The following LIN28B variants were observed in gnomAD, a reference collection of about 807,000 sequenced individuals.
The protein encoded by LIN28B is lin-28 RNA binding posttranscriptional regulator B.
LIN28B carries 5 observed loss-of-function variants against 21.9 expected under a neutral mutation model. The observed-to-expected ratio is 0.23, with a 90% CI of 0.12 to 0.48. LIN28B has a LOEUF of 0.48. LIN28B is among the 20% of genes least tolerant of loss of function. The pLI is 0.98. For missense variants in LIN28B, 245 were observed against 310.5 expected, an observed-to-expected ratio of 0.79 and a Z score of 1.58; for synonymous variants, 109 against 111.3, an observed-to-expected ratio of 0.98 and a Z score of 0.13.
At chr6:104,969,457 C>CA (rs149662994) in intron 2 of LIN28B, among the ~76,000 whole-genome samples, 2 of 151,624 alleles carry the variant, frequency 1.3e-5, no homozygotes, top group East Asian at 1.9e-4. Context: ...ACAACAACAA[C>CA]AAAAAAAAGC....
At chr6:104,966,545 C>T (rs1443095098) in intron 2 of LIN28B, among the ~76,000 whole-genome samples, 11 of 151,518 alleles carry the variant, frequency 7.3e-5, no homozygotes, top group Admixed American at 7.2e-4. Flanking sequence ...CCTCAAACTC[C>T]TGACTCAAGC....
At chr6:105,050,544 G>C (rs1433051264) in intron 3 of LIN28B, among the ~76,000 whole-genome samples, 1 of 140,326 alleles carries the variant, frequency 7.1e-6, no homozygotes, top group Non-Finnish European at 1.5e-5. Context: ...GGAGCTTGCA[G>C]TGAGCTGAGA....
At chr6:105,025,556 G>A (rs1055541337) in intron 2 of LIN28B, among the ~76,000 whole-genome samples, 3 of 152,058 alleles carry the variant, frequency 2.0e-5, no homozygotes, top group Non-Finnish European at 4.4e-5. Context: ...TTTCTAGAAC[G>A]GGACTGGAGA....
At chr6:105,057,205 C>A (rs1255713568) in intron 3 of LIN28B, among the ~76,000 whole-genome samples, 2 of 152,092 alleles carry the variant, frequency 1.3e-5, no homozygotes, top group African/African-American at 2.4e-5. Flanking sequence ...TTCTTTATAA[C>A]CTCTTGTATT....
intron 3 of LIN28B, among the ~76,000 whole-genome samples, chr6:105,063,877 G>A (rs957622936): frequency 1.3e-5 from 2 of 148,442 alleles, no homozygotes; most frequent in Admixed American, 6.7e-5. Context: ...TTTTCAATAC[G>A]TCTTATTAAA....
intron 2 of LIN28B, among the ~76,000 whole-genome samples, chr6:104,995,864 A>G (rs1424736468): frequency 6.6e-6 from 1 of 151,850 alleles, no homozygotes; most frequent in Non-Finnish European, 1.5e-5. Flanking sequence ...GCCAAACTAA[A>G]AGTAGCTTGG....
In LIN28B at chr6:105,026,314, A is replaced by T; in HGVS notation, c.215A>T (p.Glu72Val). 6.2e-7 allele frequency: 1 copy of T among 1,602,118 alleles called. No homozygotes were observed. The highest frequency in any genetic ancestry group is 8.5e-7 in the Non-Finnish European group (1 of 1,175,608). Residue 72 changes from glutamate (E) to valine (V), a missense_variant, in exon 3 of 4, where the codon GAA becomes GTA. Coordinates refer to ENST00000345080, the MANE Select transcript of LIN28B (RefSeq NM_001004317.4). ...TCTTTACAGAGCAAACTATTCATGGAAGGATTTAGAAGCCTAAAAGAAGGA... is the reference window on the plus strand; with the variant it reads ...TCTTTACAGAGCAAACTATTCATGGTAGGATTTAGAAGCCTAAAAGAAGGA... The part of the protein sequence containing the change: ...VFVHQSKLFM[E>V]GFRSLKEGEP...
chr6:104,963,111 G>A (rs530142586), intron 2 of LIN28B, among the ~76,000 whole-genome samples: 4 of 152,038 alleles, frequency 2.6e-5, no homozygotes, highest in Admixed American at 6.6e-5. Flanking sequence ...GCAGTGGCGC[G>A]ATCTCTGCTC....
chr6:105,063,844 A>T (rs9386437), intron 3 of LIN28B, among the ~76,000 whole-genome samples: 55 of 147,602 alleles, frequency 3.7e-4, no homozygotes, highest in Admixed American at 1.3e-3. Flanking sequence ...CAGTCTTAAA[A>T]TTTTTTTTTT....
chr6:104,978,734 G>T (rs542068158), intron 2 of LIN28B, among the ~76,000 whole-genome samples: 1 of 152,204 alleles, frequency 6.6e-6, no homozygotes, highest in African/African-American at 2.4e-5. Context: ...TGGCACCAAA[G>T]ATTTTTGTAG....
intron 2 of LIN28B, among the ~76,000 whole-genome samples, chr6:104,970,047 G>A (rs1262147370): frequency 6.6e-6 from 1 of 152,202 alleles, no homozygotes; most frequent in African/African-American, 2.4e-5. Flanking sequence ...CTGTGTGCCA[G>A]TGGGGGATGG....
intron 3 of LIN28B, among the ~76,000 whole-genome samples, chr6:105,041,511 G>A (rs1771636220): frequency 6.6e-6 from 1 of 152,092 alleles, no homozygotes; most frequent in African/African-American, 2.4e-5. Flanking sequence ...ACAGGTTTCA[G>A]TATGAAGTTC....
chr6:105,056,454 G>T (rs530807252), intron 3 of LIN28B, among the ~76,000 whole-genome samples: 1 of 152,220 alleles, frequency 6.6e-6, no homozygotes, highest in South Asian at 2.1e-4. Context: ...GGTACATAGA[G>T]TATGATCCTT....
intron 2 of LIN28B, among the ~76,000 whole-genome samples, chr6:105,025,568 A>G (rs1280188594): frequency 6.6e-6 from 1 of 152,054 alleles, no homozygotes; most frequent in Non-Finnish European, 1.5e-5. Context: ...GACTGGAGAA[A>G]ACGACTCTTT....
At chr6:105,049,609 G>A (rs1771849589) in intron 3 of LIN28B, among the ~76,000 whole-genome samples, 1 of 152,090 alleles carries the variant, frequency 6.6e-6, no homozygotes, top group African/African-American at 2.4e-5. Flanking sequence ...GGGTGTTAAA[G>A]TCTCCCATTA....
upstream of LIN28B, among the ~76,000 whole-genome samples, chr6:104,955,695 G>A (rs557206400): frequency 3.1e-4 from 47 of 149,596 alleles, no homozygotes; most frequent in Non-Finnish European, 5.9e-4. Flanking sequence ...GTGGGGGAGG[G>A]TCAACTCGGT....
chr6:104,960,477 T>C (rs1192411695), intron 2 of LIN28B, among the ~76,000 whole-genome samples: 2 of 152,126 alleles, frequency 1.3e-5, no homozygotes, highest in Non-Finnish European at 2.9e-5. Flanking sequence ...CTATGTACTA[T>C]TTTGTTGTGA....
chr6:104,999,508 G>A (rs145387429), intron 2 of LIN28B, among the ~76,000 whole-genome samples: 19 of 152,266 alleles, frequency 1.2e-4, no homozygotes, highest in African/African-American at 4.1e-4. Context: ...TCAAAAGCAT[G>A]TAAATTAGAA....
At position 105,038,864 on chromosome 6, in the gene LIN28B, A is replaced by G. The variant is rs117903618; in HGVS notation, c.383+12382A>G. 6.9e-3 allele frequency among the ~76,000 whole-genome samples: 1,047 copies of G among 152,352 alleles called. 5 individuals are homozygous for G. The highest frequency in any genetic ancestry group is 0.01 in the Middle Eastern group (3 of 294). On this transcript the variant is annotated intron_variant, in intron 3 of 3. Transcript: ENST00000345080. Reference sequence around the variant, plus strand: ...GCATTACTAACCTAAATGAGACATCATTTCACTCATGTTGAACTAGCAGAA... The same window carrying G: ...GCATTACTAACCTAAATGAGACATCGTTTCACTCATGTTGAACTAGCAGAA...
Sources: gnomAD v4.1 joint callset for allele counts (sites outside exome capture counted in the v4.1 genomes callset) on GRCh38, gnomAD v4.1.1 for gene constraint, MANE v1.5 for transcripts, NCBI Gene and HGNC (gene_info 2026-07-23, HGNC 2026-07-21) for gene names.